XYLB: variants seen among roughly 807,000 people sequenced by gnomAD.
XYLB encodes the protein xylulose kinase.
Under a neutral mutation model 78.7 loss-of-function variants are expected in XYLB, and 62 were observed. The ratio of observed to expected loss-of-function variants is 0.79; its 90% confidence interval spans 0.64 to 0.97. XYLB has a LOEUF of 0.97. Among genes scored for constraint, XYLB ranks in the 50% least tolerant of loss-of-function variants. The pLI, the probability that XYLB is intolerant of heterozygous loss-of-function variation, is 0.00. For synonymous variants in XYLB, 245 were observed against 247.4 expected (o/e 0.99, Z 0.09); for missense variants, 687 against 676.8 (o/e 1.02, Z -0.17).
chr3:38,408,212 A>T (rs2125672021), intron 18 of XYLB, among the ~76,000 whole-genome samples: 1 of 152,260 alleles, frequency 6.6e-6, no homozygotes, highest in South Asian at 2.1e-4. Context: ...ATCAAACTAG[A>T]ACTCAGGATT....
chr3:38,408,583 T>A (rs930512184), intron 18 of XYLB, among the ~76,000 whole-genome samples: 107 of 151,416 alleles, frequency 7.1e-4, no homozygotes, highest in African/African-American at 2.5e-3. Context: ...TTCAAAAAAT[T>A]AATGAATTCA....
chr3:38,438,030 C>T, the XYLB span, among the ~76,000 whole-genome samples: 1 of 151,758 alleles, frequency 6.6e-6, no homozygotes, highest in Non-Finnish European at 1.5e-5. Context: ...AGATCCAGCC[C>T]AGTGACAGAG....
At chr3:38,415,884 A>G (rs1294798446), downstream of XYLB, among the ~76,000 whole-genome samples, 11 of 152,184 alleles carry the variant, frequency 7.2e-5, no homozygotes, top group Admixed American at 7.2e-4. Context: ...GAAACCTACA[A>G]TCGTGGCAGG....
Position 38,346,883 on chromosome 3 carries a change from C to A in XYLB, c.15C>A (p.Ala5=), listed in dbSNP as rs200557242. The A allele has an allele frequency of 6.0e-4, 908 of 1,520,774 alleles. 2 individuals carry two copies. The highest frequency in any genetic ancestry group is 7.1e-4 in the Non-Finnish European group (811 of 1,137,214). The allele number at this position is 1,520,774 out of a possible 1,614,324, so 94.2% of individuals were successfully genotyped here. The change falls in exon 1 of 19, where the codon GCC becomes GCA. Residue 5 remains alanine, a synonymous_variant. Coordinates refer to ENST00000207870, the MANE Select transcript of XYLB (RefSeq NM_005108.4). MAEH[A]PRRCCLGWDF... ...CCCGAAAGGCCATGGCGGAGCACGCCCCTCGCCGCTGCTGCCTGGGCTGGG... is the reference window on the plus strand; with the variant it reads ...CCCGAAAGGCCATGGCGGAGCACGCACCTCGCCGCTGCTGCCTGGGCTGGG...
intron 16 of XYLB, 96 bp downstream of exon 16, chr3:38,395,659 C>T: frequency 3.8e-6 from 5 of 1,308,526 alleles, no homozygotes; most frequent in Non-Finnish European, 5.5e-6. Context: ...TCCATTCCCA[C>T]TCCTGCAGGA....
intron 1 of XYLB, 47 bp downstream of exon 1, chr3:38,346,972 G>C: frequency 7.8e-6 from 11 of 1,405,510 alleles, no homozygotes; most frequent in Non-Finnish European, 1.0e-5. Context: ...CCTCCGCTTC[G>C]GTGGGGGTAG....
At position 38,370,330 on chromosome 3, in the gene XYLB, G is replaced by A; in HGVS notation, c.765+156G>A. 2 of 614,136 alleles carry A rather than the reference G, an allele frequency of 3.3e-6. 1 individual carries two copies. Among genetic ancestry groups the A allele is most frequent in the South Asian group, 4.0e-5 (2 of 50,292 alleles). The allele number at this position is 614,136 out of a possible 1,614,324, so 38.0% of individuals were successfully genotyped here. ...ATACACATGCAGGGTCTTCAGTTTAGCCTAAGATGTAAGTCAGTGTCTGGA... is the reference window on the plus strand; with the variant it reads ...ATACACATGCAGGGTCTTCAGTTTAACCTAAGATGTAAGTCAGTGTCTGGA... On this transcript the variant is annotated intron_variant, in intron 9 of 18. Coordinates refer to ENST00000207870, the MANE Select transcript of XYLB (RefSeq NM_005108.4).
rs991341512 is a variant in XYLB at position 38,414,952 on chromosome 3, CAAAT to C, written c.*1943_*1946del. The C allele has an allele frequency of 8.5e-5, 13 of 152,068 alleles. No homozygotes were observed. The highest frequency in any genetic ancestry group is 1.4e-4 in the African/African-American group (6 of 41,428). 9.4% of individuals were successfully genotyped at this position (152,068 alleles called of 1,614,324 possible). A position where few individuals can be genotyped will look rare whatever the true frequency, so the allele number is the denominator to read the frequency against. ...TATTTAAAATTCAAATATTAAAACT[CAAAT>C]AAACCCCAAAGAACTTTTGGAAAAC... On this transcript the variant is annotated 3_prime_UTR_variant, in exon 19 of 19. Coordinates refer to ENST00000207870, the MANE Select transcript of XYLB (RefSeq NM_005108.4).
At chr3:38,425,727 A>T (rs1163483746), downstream of XYLB, among the ~76,000 whole-genome samples, 1 of 152,204 alleles carries the variant, frequency 6.6e-6, no homozygotes, top group Non-Finnish European at 1.5e-5. Context: ...AAGACACCTG[A>T]AACTTCATCA....
chr3:38,432,369 C>G, the XYLB span, among the ~76,000 whole-genome samples: 1 of 98,352 alleles, frequency 1.0e-5, no homozygotes, highest in Admixed American at 1.0e-4. Flanking sequence ...GAGATTGAGA[C>G]CATCCTGGTC....
chr3:38,346,888 G>T lies in XYLB; in HGVS notation c.20G>T (p.Arg7Leu). The T allele has an allele frequency of 2.6e-6, 4 of 1,519,088 alleles. No homozygotes were observed. The highest frequency in any genetic ancestry group is 3.5e-6 in the Non-Finnish European group (4 of 1,136,266). 94.1% of individuals were successfully genotyped at this position (1,519,088 alleles called of 1,614,324 possible). A position where few individuals can be genotyped will look rare whatever the true frequency, so the allele number is the denominator to read the frequency against. MAEHAP[R>L]RCCLGWDFST... is the part of the protein sequence containing the mutation. The stretch of plus-strand genomic sequence containing the variant: ...AAGGCCATGGCGGAGCACGCCCCTC[G>T]CCGCTGCTGCCTGGGCTGGGACTTC... The change falls in exon 1 of 19, where the codon CGC (arginine) becomes CTC (leucine). Residue 7 changes from arginine (R) to leucine (L), a missense_variant. Physicochemically the swap from Arg to Leu is moderately radical, Grantham distance 102 (BLOSUM62 -2). Transcript: ENST00000207870.
chr3:38,424,263 C>G (rs527406368), downstream of XYLB, among the ~76,000 whole-genome samples: 1 of 152,258 alleles, frequency 6.6e-6, no homozygotes, highest in African/African-American at 2.4e-5. Context: ...CATACTAATC[C>G]ATGGACTCTA....
intron 2 of XYLB, among the ~76,000 whole-genome samples, chr3:38,355,121 G>T (rs1705579556): frequency 6.6e-6 from 1 of 152,206 alleles, no homozygotes; most frequent in Non-Finnish European, 1.5e-5. Context: ...AGGGGAAGTG[G>T]CATTGTGCCA....
chr3:38,423,327 C>T (rs948705618), downstream of XYLB, among the ~76,000 whole-genome samples: 7 of 152,170 alleles, frequency 4.6e-5, no homozygotes, highest in Non-Finnish European at 1.0e-4. Flanking sequence ...CCACCTTGGC[C>T]TCCCAAAGTG....
At chr3:38,447,745 T>C in the XYLB span, among the ~76,000 whole-genome samples, 4 of 152,188 alleles carry the variant, frequency 2.6e-5, no homozygotes, top group Non-Finnish European at 5.9e-5. Context: ...AATCCCAGTA[T>C]TGGATAGCTA....
At chr3:38,452,347 G>A in the XYLB span, 1 of 152,182 alleles carries the variant, frequency 6.6e-6, no homozygotes, top group Non-Finnish European at 1.5e-5. Context: ...CCAAAGTGTG[G>A]CCCCTGAGGT....
At chr3:38,364,905 A>G (rs1400208561) in intron 4 of XYLB, among the ~76,000 whole-genome samples, 2 of 152,266 alleles carry the variant, frequency 1.3e-5, no homozygotes, top group Non-Finnish European at 2.9e-5. Flanking sequence ...AATTTCAGGT[A>G]ATATTACAAG....
intron 15 of XYLB, among the ~76,000 whole-genome samples, chr3:38,385,587 A>G (rs1266320466): frequency 6.6e-6 from 1 of 152,246 alleles, no homozygotes; most frequent in Non-Finnish European, 1.5e-5. Context: ...TACATAACAT[A>G]TCTTTCATTT....
At chr3:38,383,382 C>T (rs1707239319) in intron 15 of XYLB, among the ~76,000 whole-genome samples, 4 of 152,170 alleles carry the variant, frequency 2.6e-5, no homozygotes, top group African/African-American at 9.7e-5. Context: ...TGATAGAAAC[C>T]AGCTGGGCAG....
Sources: gnomAD v4.1 joint callset for allele counts (sites outside exome capture counted in the v4.1 genomes callset) on GRCh38, gnomAD v4.1.1 for gene constraint, MANE v1.5 for transcripts, NCBI Gene and HGNC (gene_info 2026-07-23, HGNC 2026-07-21) for gene names.